CCZ1B: variants seen among roughly 807,000 people sequenced by gnomAD.
CCZ1B encodes vacuolar fusion protein CCZ1 homolog B.
In CCZ1B, 25 loss-of-function variants were observed where a neutral mutation model predicts 58.8. The observed-to-expected ratio is 0.43, with a 90% CI of 0.31 to 0.59. CCZ1B has a LOEUF of 0.59. CCZ1B is among the 20% of genes least tolerant of loss of function. The pLI is 0.12. For synonymous variants in CCZ1B, 66 were observed against 173.2 expected (o/e 0.38, Z 4.86); for missense variants, 180 against 501.5 (o/e 0.36, Z 6.12).
At chr7:6,807,329 A>AAAAAAC (rs58334208) in intron 10 of CCZ1B, among the ~76,000 whole-genome samples, 5 of 107,392 alleles carry the variant, frequency 4.7e-5, no homozygotes, top group Admixed American at 1.0e-4. Context: ...TCCGTCTCAA[A>AAAAAAC]AAAAACAAAA....
chr7:6,811,906 T>C (rs1782921639), intron 10 of CCZ1B, 46 bp downstream of exon 10: 1 of 1,595,288 alleles, frequency 6.3e-7, no homozygotes, highest in African/African-American at 1.4e-5. Flanking sequence ...GCAAGAAAGA[T>C]CCATTTCAGC....
intron 10 of CCZ1B, among the ~76,000 whole-genome samples, chr7:6,808,841 T>C (rs1262199854): frequency 2.6e-5 from 4 of 151,874 alleles, no homozygotes; most frequent in Non-Finnish European, 5.9e-5. Context: ...CCTGAGTAAC[T>C]TGGATTACAT....
chr7:6,811,918 C>T lies in CCZ1B; in HGVS notation c.954+34G>A, dbSNP rs1264137909. On this transcript the variant is annotated intron_variant, in intron 10 of 14. Coordinates refer to ENST00000316731, the MANE Select transcript of CCZ1B (RefSeq NM_198097.5). ...CATGCAAGAAAGATCCATTTCAGCA[C>T]AATCATTAACGCTGGAAGGAAAACA... is the stretch of plus-strand genomic sequence containing the variant. 17 of 1,595,794 alleles carry T rather than the reference C, an allele frequency of 1.1e-5. 1 individual carries two copies. The Admixed American group carries it at 2.1e-4, about 19-fold the overall frequency.
At chr7:6,816,234 C>A (rs555746698) in intron 7 of CCZ1B, among the ~76,000 whole-genome samples, 2 of 149,168 alleles carry the variant, frequency 1.3e-5, no homozygotes, top group Non-Finnish European at 3.0e-5. Flanking sequence ...AATCCCAGCA[C>A]TTGGGGAAGC....
In CCZ1B at chr7:6,814,266, G is replaced by A. The variant is rs766088947; in HGVS notation, c.780+498C>T. ...AAACATGCTTTGTGGACTGGGGGCAGTGGCTCACGCCTGTAATCCTAGCAC... is the reference window on the plus strand; with the variant it reads ...AAACATGCTTTGTGGACTGGGGGCAATGGCTCACGCCTGTAATCCTAGCAC... On this transcript the variant is annotated intron_variant, in intron 8 of 14. Coordinates refer to ENST00000316731, the MANE Select transcript of CCZ1B (RefSeq NM_198097.5). 3.2e-4 allele frequency among the ~76,000 whole-genome samples: 48 copies of A among 149,742 alleles called. 1 individual carries two copies. The highest frequency in any genetic ancestry group is 5.8e-4 in the East Asian group (3 of 5,168).
At chr7:6,820,054 T>C in intron 6 of CCZ1B, 113 bp from the exon 7 acceptor site, 1 of 1,351,344 alleles carries the variant, frequency 7.4e-7, no homozygotes. Context: ...AATTACATAC[T>C]AGCAAACAGC....
chr7:6,800,748 A>G (rs1368801711), intron 14 of CCZ1B, among the ~76,000 whole-genome samples, 200 bp downstream of exon 14: 18 of 137,214 alleles, frequency 1.3e-4, no homozygotes, highest in Admixed American at 1.2e-3. Flanking sequence ...TCTTTCTGCC[A>G]TTGCCAAGTT....
chr7:6,818,667 CAGAAAGAAAGAA>C (rs139349494), intron 7 of CCZ1B, among the ~76,000 whole-genome samples: 17 of 73,894 alleles, frequency 2.3e-4, no homozygotes, highest in Admixed American at 1.6e-3. Flanking sequence ...GAAAGACAGA[CAGAAAGAAAGAA>C]AGAAAGAAAG....
Position 6,804,959 on chromosome 7 carries a change from T to A in CCZ1B, c.1085A>T (p.Asn362Ile), listed in dbSNP as rs746754762. Reference sequence around the variant, plus strand: ...AAACCCAGACATCCTCTTGTTGATGTTAAACTGTTCACAGATGTCAGAGGC... The same window carrying A: ...AAACCCAGACATCCTCTTGTTGATGATAAACTGTTCACAGATGTCAGAGGC... ...VLASDICEQF[N>I]INKRMSGSEK... The change falls in exon 12 of 15, where the codon AAC becomes ATC. Residue 362 changes from asparagine to isoleucine, a missense_variant. By Grantham distance (149) the Asn-to-Ile change is moderately radical. Coordinates refer to ENST00000316731, the MANE Select transcript of CCZ1B (RefSeq NM_198097.5). 11 of 1,410,932 alleles carry A rather than the reference T, an allele frequency of 7.8e-6. 3 individuals are homozygous for A. Among genetic ancestry groups the A allele is most frequent in the Non-Finnish European group, 1.0e-5 (11 of 1,063,804 alleles). The allele number at this position is 1,410,932 out of a possible 1,614,324, so 87.4% of individuals were successfully genotyped here.
chr7:6,816,157 TG>T (rs1327694879), intron 7 of CCZ1B, among the ~76,000 whole-genome samples: 6 of 147,946 alleles, frequency 4.1e-5, no homozygotes, highest in African/African-American at 1.3e-4. Context: ...AGGCTGGATC[TG>T]GGCGTTTTCT....
At chr7:6,823,406 C>T (rs767504013) in intron 4 of CCZ1B, 46 bp from the exon 5 acceptor site, 3 of 1,600,460 alleles carry the variant, frequency 1.9e-6, no homozygotes. Flanking sequence ...AAGGGAAAAA[C>T]AATGTCTACT....
intron 1 of CCZ1B, among the ~76,000 whole-genome samples, 163 bp from the exon 2 acceptor site, chr7:6,824,900 G>A (rs527338641): frequency 6.7e-6 from 1 of 148,984 alleles, no homozygotes; most frequent in South Asian, 2.1e-4. Context: ...AGTATTTTCA[G>A]AGGCTGAGGC....
intron 7 of CCZ1B, among the ~76,000 whole-genome samples, chr7:6,818,573 AAGACAGAAAGAAAGAC>A (rs1358179179): frequency 7.2e-6 from 1 of 138,198 alleles, no homozygotes; most frequent in Non-Finnish European, 1.5e-5. Flanking sequence ...GACAGAAAGA[AAGACAGAAAGAAAGAC>A]AGACAGAAAG....
Position 6,820,617 on chromosome 7 carries a change from G to A in CCZ1B, c.523-676C>T, listed in dbSNP as rs1405236242. Among the ~76,000 whole-genome samples the A allele has an allele frequency of 2.7e-5, 4 of 148,828 alleles. No homozygotes were observed. In the East Asian group the frequency reaches 7.8e-4, roughly 29 times the overall value. ...AGGCATGAGCCACTGTGCCCAGCTAGCACTTTCAAGTATTTAATTCCTGGC... is the reference window on the plus strand; with the variant it reads ...AGGCATGAGCCACTGTGCCCAGCTAACACTTTCAAGTATTTAATTCCTGGC... On this transcript the variant is annotated intron_variant, in intron 6 of 14. Transcript: ENST00000316731.
chr7:6,800,539 C>A (rs1241263130), intron 14 of CCZ1B, among the ~76,000 whole-genome samples: 3 of 136,738 alleles, frequency 2.2e-5, no homozygotes, highest in Non-Finnish European at 3.1e-5. Context: ...CTTGGTGATA[C>A]ATGCCTGTGG....
At chr7:6,822,497 T>C in intron 5 of CCZ1B, 133 bp from the exon 6 acceptor site, 8 of 1,386,532 alleles carry the variant, frequency 5.8e-6, no homozygotes, top group Non-Finnish European at 7.6e-6. Context: ...ACAGAGAATA[T>C]TTACGTGAGA....
At chr7:6,804,255 TCTA>T (rs1270474309) in intron 12 of CCZ1B, among the ~76,000 whole-genome samples, 1 of 121,828 alleles carries the variant, frequency 8.2e-6, no homozygotes, top group Admixed American at 9.3e-5. Flanking sequence ...TGAAACCGTC[TCTA>T]CTAAAAATAC....
At chr7:6,823,926 TAA>T (rs1783155255) in intron 4 of CCZ1B, 161 bp downstream of exon 4, 1 of 859,190 alleles carries the variant, frequency 1.2e-6, no homozygotes, top group Admixed American at 3.5e-5. Flanking sequence ...ATATACATTT[TAA>T]AAAGATTGTG....
chr7:6,816,543 C>T (rs62441818), intron 7 of CCZ1B, among the ~76,000 whole-genome samples: 34,594 of 149,296 alleles, frequency 0.23, 2,458 homozygotes, highest in South Asian at 0.42. Flanking sequence ...ATATACTCTG[C>T]TTGTGACAAA....
Sources: gnomAD v4.1 joint callset for allele counts (sites outside exome capture counted in the v4.1 genomes callset) on GRCh38, gnomAD v4.1.1 for gene constraint, MANE v1.5 for transcripts, NCBI Gene and HGNC (gene_info 2026-07-23, HGNC 2026-07-21) for gene names.